Variants in CRISPLD1 observed in about 807,000 individuals in gnomAD.
The protein encoded by CRISPLD1 is cysteine rich secretory protein LCCL domain containing 1.
Under a neutral mutation model 77.5 loss-of-function variants are expected in CRISPLD1, and 60 were observed. The observed-to-expected ratio is 0.77, with a 90% CI of 0.63 to 0.96. The LOEUF (loss-of-function observed/expected upper bound fraction) is 0.96, where lower values mean the gene tolerates loss of function less well. Ranked by LOEUF, CRISPLD1 falls within the 40% of genes least tolerant of loss-of-function variation. CRISPLD1 has a pLI of 0.00. For synonymous variants in CRISPLD1, 195 were observed against 200.1 expected (o/e 0.97, Z 0.22); for missense variants, 623 against 615.8 (o/e 1.01, Z -0.12).
At chr8:74,991,844 C>T (rs765269153) in intron 2 of CRISPLD1, among the ~76,000 whole-genome samples, 18 of 152,278 alleles carry the variant, frequency 1.2e-4, no homozygotes, top group Admixed American at 5.2e-4. Context: ...TTACTTTTCC[C>T]TCCAAACTCA....
Position 75,034,223 on chromosome 8 carries a change from T to A in CRISPLD1, c.*1981T>A, listed in dbSNP as rs551667972. 1.3e-5 allele frequency: 2 copies of A among 152,080 alleles called. No individual in the cohort carries two copies. Among genetic ancestry groups the A allele is most frequent in the Non-Finnish European group, 2.9e-5 (2 of 67,946 alleles). The allele number at this position is 152,080 out of a possible 1,614,324, so 9.4% of individuals were successfully genotyped here. A position where few individuals can be genotyped will look rare whatever the true frequency, so the allele number is the denominator to read the frequency against. On this transcript the variant is annotated 3_prime_UTR_variant, in exon 15 of 15. Transcript: ENST00000262207. ...ACTTCCATAGTCTTGTTCATATTGT[T>A]TACCTATCTTCTACACAAGGCGTGT...
intron 2 of CRISPLD1, among the ~76,000 whole-genome samples, chr8:74,990,017 T>A (rs1812548267): frequency 2.0e-5 from 3 of 152,200 alleles, no homozygotes; most frequent in Non-Finnish European, 4.4e-5. Flanking sequence ...TCAAATCTCC[T>A]ATGTTCTCAC....
intron 2 of CRISPLD1, among the ~76,000 whole-genome samples, chr8:74,998,903 C>A (rs16939013): frequency 0.27 from 40,893 of 151,150 alleles, 7,267 homozygotes; most frequent in African/African-American, 0.51. Context: ...GAGACTAGAA[C>A]GAGATAATCA....
rs148181924 is a variant in CRISPLD1, at chr8:75,015,864, A to G, written c.728-701A>G. ...ACCTGCCTCTTCCCCGGTGACCATT[A>G]TCTTTTACTTAAAGCTGACTTTCTT... On this transcript the variant is annotated intron_variant, in intron 6 of 14. Transcript: ENST00000262207. 1.0e-3 allele frequency among the ~76,000 whole-genome samples: 152 copies of G among 152,086 alleles called. 1 individual carries two copies. The highest frequency in any genetic ancestry group is 1.5e-3 in the Non-Finnish European group (99 of 67,980).
In CRISPLD1 at chr8:74,997,549, G is replaced by T. The variant is rs556898166; in HGVS notation, c.258+11304G>T. On this transcript the variant is annotated intron_variant, in intron 2 of 14. Transcript: ENST00000262207. ...CACAGGTAAAAAATATGGAAATAAT[G>T]TAGCTATTAGGAACTCTCTGAACTG... Among the ~76,000 whole-genome samples the T allele has an allele frequency of 1.3e-4, 20 of 152,286 alleles. No individual in the cohort carries two copies. The South Asian group carries it at 3.9e-3, about 30-fold the overall frequency.
At chr8:75,030,492 G>A (rs1289188511) in intron 14 of CRISPLD1, among the ~76,000 whole-genome samples, 1 of 152,106 alleles carries the variant, frequency 6.6e-6, no homozygotes, top group Non-Finnish European at 1.5e-5. Context: ...ATGGTTTTAT[G>A]TATGCCTCGT....
intron 9 of CRISPLD1, 40 bp from the exon 10 acceptor site, chr8:75,017,280 A>C: frequency 6.2e-7 from 1 of 1,601,062 alleles, no homozygotes; most frequent in Non-Finnish European, 8.5e-7. Flanking sequence ...GCAGAACTCT[A>C]ATATTTTTAA....
intron 2 of CRISPLD1, among the ~76,000 whole-genome samples, chr8:74,998,362 T>C (rs908437798): frequency 1.3e-5 from 2 of 152,096 alleles, no homozygotes; most frequent in African/African-American, 4.8e-5. Context: ...TTAAGTGCTT[T>C]AAATTAACCT....
chr8:75,007,313 G>C (rs1395505058), intron 2 of CRISPLD1, among the ~76,000 whole-genome samples: 2 of 152,084 alleles, frequency 1.3e-5, no homozygotes, highest in Non-Finnish European at 2.9e-5. Context: ...ACTAATTACT[G>C]TTTTTGCATA....
intron 10 of CRISPLD1, among the ~76,000 whole-genome samples, chr8:75,019,649 TGAAAA>T (rs1218055577): frequency 6.6e-6 from 1 of 152,058 alleles, no homozygotes; most frequent in Non-Finnish European, 1.5e-5. Flanking sequence ...AGATCAATAA[TGAAAA>T]GAGATTACCG....
chr8:75,014,094 C>T lies in CRISPLD1; in HGVS notation c.618C>T (p.Tyr206=). 1 of 1,601,766 alleles carries T rather than the reference C, an allele frequency of 6.2e-7. No individual in the cohort carries two copies. The highest frequency in any genetic ancestry group is 8.6e-7 in the Non-Finnish European group (1 of 1,169,084). ...WPKAVYLVCN[Y]SPKGNWWGHA... ...AAGCTGTCTACCTGGTGTGCAATTACTCCCCAAAGTGAGTAGACAAAACAC... is the reference window on the plus strand; with the variant it reads ...AAGCTGTCTACCTGGTGTGCAATTATTCCCCAAAGTGAGTAGACAAAACAC... The change falls in exon 5 of 15, where the codon TAC becomes TAT. Residue 206 remains tyrosine, a synonymous_variant. Coordinates refer to ENST00000262207, the MANE Select transcript of CRISPLD1 (RefSeq NM_031461.6).
At chr8:75,020,399 A>T (rs1813113308) in intron 12 of CRISPLD1, among the ~76,000 whole-genome samples, 1 of 152,166 alleles carries the variant, frequency 6.6e-6, no homozygotes, top group South Asian at 2.1e-4. Flanking sequence ...TGAGGAATTT[A>T]TTTCTCACAG....
chr8:75,013,628 A>G (rs1812974864), intron 4 of CRISPLD1, among the ~76,000 whole-genome samples: 1 of 152,150 alleles, frequency 6.6e-6, no homozygotes, highest in African/African-American at 2.4e-5. Flanking sequence ...TTTTTGCTCC[A>G]GTATTTGCTG....
intron 2 of CRISPLD1, among the ~76,000 whole-genome samples, chr8:75,008,050 C>CTTT (rs1812865342): frequency 1.3e-5 from 2 of 152,058 alleles, no homozygotes; most frequent in African/African-American, 2.4e-5. Context: ...GATGAGAAAG[C>CTTT]CTTCATGCTG....
At chr8:75,008,386 AG>A (rs767617379) in intron 2 of CRISPLD1, among the ~76,000 whole-genome samples, 16 of 152,210 alleles carry the variant, frequency 1.1e-4, no homozygotes, top group Non-Finnish European at 1.8e-4. Flanking sequence ...AGAAATGTGT[AG>A]GCACTAACCT....
intron 14 of CRISPLD1, among the ~76,000 whole-genome samples, chr8:75,031,707 T>C (rs1428705698): frequency 6.6e-6 from 1 of 152,018 alleles, no homozygotes; most frequent in East Asian, 1.9e-4. Flanking sequence ...ATCTGTATGA[T>C]AGCAATGTAA....
At chr8:74,985,862 C>T (rs1812487109) in intron 1 of CRISPLD1, 64 bp from the exon 2 acceptor site, 6 of 1,058,384 alleles carry the variant, frequency 5.7e-6, no homozygotes, top group Admixed American at 4.7e-5. Flanking sequence ...TTGTTTTGCT[C>T]GTGTTATTAG....
In CRISPLD1 at chr8:75,034,272, A is replaced by T. The variant is rs992596722; in HGVS notation, c.*2030A>T. On this transcript the variant is annotated 3_prime_UTR_variant, in exon 15 of 15. Transcript: ENST00000262207. ...GTCCTTGGGTAAGTTATTTAACTTC[A>T]ATTTACCTTACCTGTAAAATGGAAC... is the stretch of plus-strand genomic sequence containing the variant. 42 of 152,258 alleles carry T rather than the reference A, an allele frequency of 2.8e-4. No individual in the cohort carries two copies. The highest frequency in any genetic ancestry group is 1.9e-3 in the Admixed American group (29 of 15,296). 9.4% of individuals were successfully genotyped at this position (152,258 alleles called of 1,614,324 possible).
chr8:75,020,151 G>A, intron 12 of CRISPLD1, 72 bp downstream of exon 12: 3 of 1,223,128 alleles, frequency 2.5e-6, no homozygotes, highest in East Asian at 4.7e-5. Context: ...GATGTCTCTG[G>A]GATTCAAAAG....
Sources: gnomAD v4.1 joint callset for allele counts (sites outside exome capture counted in the v4.1 genomes callset) on GRCh38, gnomAD v4.1.1 for gene constraint, MANE v1.5 for transcripts, NCBI Gene and HGNC (gene_info 2026-07-23, HGNC 2026-07-21) for gene names.